Variants in HIVEP3 observed in about 807,000 individuals in gnomAD.
HIVEP3 encodes transcription factor HIVEP3.
HIVEP3 carries 49 observed loss-of-function variants against 152.8 expected under a neutral mutation model. The observed-to-expected ratio is 0.32, with a 90% CI of 0.26 to 0.41. The LOEUF (loss-of-function observed/expected upper bound fraction) is 0.41. Among genes scored for constraint, HIVEP3 ranks in the 10% least tolerant of loss-of-function variants. The pLI is 1.00. For synonymous variants in HIVEP3, 1,269 were observed against 1,289.0 expected (o/e 0.98, Z 0.33); for missense variants, 2,790 against 3,103.3 (o/e 0.90, Z 2.40).
intron 2 of HIVEP3, among the ~76,000 whole-genome samples, chr1:41,631,424 T>A (rs192706003): frequency 6.6e-6 from 1 of 152,184 alleles, no homozygotes; most frequent in Admixed American, 6.5e-5. Context: ...CTGAATATTA[T>A]CTCAGAGTGG....
At chr1:41,960,833 T>G (rs1557540228) in intron 1 of HIVEP3, among the ~76,000 whole-genome samples, 1 of 152,192 alleles carries the variant, frequency 6.6e-6, no homozygotes, top group Admixed American at 6.5e-5. Context: ...CCCTCCACTG[T>G]GGGCAGAAAA....
chr1:41,703,990 C>T (rs530690841), intron 1 of HIVEP3, among the ~76,000 whole-genome samples: 7 of 152,322 alleles, frequency 4.6e-5, no homozygotes, highest in South Asian at 2.1e-4. Context: ...CAAGTCCTCA[C>T]TCTTGTTCTG....
In HIVEP3 at chr1:41,581,709, G is replaced by A. The variant is rs573708876; in HGVS notation, c.3089C>T (p.Ala1030Val). Reference sequence around the variant, plus strand: ...TGGCGGGGCCACCCGCGCTGGTGGAGCCACTGGGGCTGGAGCAGAAGGGCC... The same window carrying A: ...TGGCGGGGCCACCCGCGCTGGTGGAACCACTGGGGCTGGAGCAGAAGGGCC... ...LTGPSAPAPV[A>V]PPARVAPPER... Residue 1030 changes from alanine (A) to valine (V), a missense_variant, in exon 4 of 9, where the codon GCT becomes GTT. Ala to Val is a moderately conservative substitution (Grantham distance 64, BLOSUM62 0). This residue lies in a region of HIVEP3 where 1,078 missense variants were observed against 1,165.3 expected (regional missense o/e 0.93). Coordinates refer to ENST00000372583, the MANE Select transcript of HIVEP3 (RefSeq NM_024503.5). The surrounding 1 kb of genome is among the most constrained non-coding windows in gnomAD (Gnocchi z 4.5). 12 of 1,613,050 alleles carry A rather than the reference G, an allele frequency of 7.4e-6. No homozygotes were observed. In the Admixed American group the frequency reaches 1.0e-4, roughly 13 times the overall value.
chr1:41,917,977 G>A (rs1241746873), intron 1 of HIVEP3, among the ~76,000 whole-genome samples: 1 of 152,228 alleles, frequency 6.6e-6, no homozygotes, highest in African/African-American at 2.4e-5. Context: ...AAACGCCGGT[G>A]CCACGGAACG....
At chr1:41,983,447 G>GAC (rs1205874750) in intron 1 of HIVEP3, among the ~76,000 whole-genome samples, 1 of 152,058 alleles carries the variant, frequency 6.6e-6, no homozygotes, top group Non-Finnish European at 1.5e-5. Context: ...TGTGCAGGCA[G>GAC]ACACACACAT....
chr1:41,911,626 A>G (rs951628685), intron 1 of HIVEP3, among the ~76,000 whole-genome samples: 1 of 152,228 alleles, frequency 6.6e-6, no homozygotes, highest in Non-Finnish European at 1.5e-5. Context: ...ATAATAGCAA[A>G]ATACTGGAAA....
intron 1 of HIVEP3, among the ~76,000 whole-genome samples, chr1:41,704,286 C>T (rs1171707962): frequency 2.0e-5 from 3 of 152,238 alleles, no homozygotes; most frequent in Non-Finnish European, 4.4e-5. Context: ...GACTCATTTG[C>T]ATAGCCCAGG....
At chr1:41,787,247 A>G (rs1387708309) in intron 1 of HIVEP3, among the ~76,000 whole-genome samples, 1 of 152,232 alleles carries the variant, frequency 6.6e-6, no homozygotes, top group Non-Finnish European at 1.5e-5. Context: ...ATCTGACAGG[A>G]TGCAAAGGTG....
intron 1 of HIVEP3, among the ~76,000 whole-genome samples, chr1:41,899,350 CTGA>C (rs1279187256): frequency 1.3e-5 from 2 of 152,190 alleles, no homozygotes. Context: ...TTATACTCTC[CTGA>C]TGATGTTTAT....
chr1:41,865,114 C>T (rs954911949), intron 1 of HIVEP3, among the ~76,000 whole-genome samples: 3 of 152,198 alleles, frequency 2.0e-5, no homozygotes, highest in African/African-American at 7.2e-5. Context: ...AATGTAGACA[C>T]TTGGATCTAT....
intron 1 of HIVEP3, among the ~76,000 whole-genome samples, chr1:42,002,635 G>A (rs1645434729): frequency 6.6e-6 from 1 of 152,200 alleles, no homozygotes; most frequent in African/African-American, 2.4e-5. Context: ...AATTCCATCA[G>A]CAGATCCAGT....
intron 1 of HIVEP3, among the ~76,000 whole-genome samples, chr1:41,857,335 T>C (rs1264442136): frequency 6.6e-6 from 1 of 152,180 alleles, no homozygotes; most frequent in Non-Finnish European, 1.5e-5. Context: ...AGCTGTGGCA[T>C]CATTTGAGGT....
At chr1:41,569,972 C>CA (rs1644227930) in intron 5 of HIVEP3, among the ~76,000 whole-genome samples, 1 of 152,076 alleles carries the variant, frequency 6.6e-6, no homozygotes, top group African/African-American at 2.4e-5. Flanking sequence ...CTGCAGTATG[C>CA]GCTGTGCTGT....
At chr1:41,910,790 T>C (rs1165301430) in intron 1 of HIVEP3, among the ~76,000 whole-genome samples, 2 of 151,984 alleles carry the variant, frequency 1.3e-5, no homozygotes, top group Admixed American at 6.6e-5. Context: ...AACATCCATG[T>C]ATATAATTTG....
At chr1:41,654,393 T>C (rs1352330741) in intron 2 of HIVEP3, among the ~76,000 whole-genome samples, 1 of 152,210 alleles carries the variant, frequency 6.6e-6, no homozygotes, top group Non-Finnish European at 1.5e-5. Flanking sequence ...TAATGACTCT[T>C]TATGGCTTTC....
At chr1:41,835,803 A>G (rs548650111) in intron 1 of HIVEP3, among the ~76,000 whole-genome samples, 191 of 152,348 alleles carry the variant, frequency 1.3e-3, no homozygotes, top group Non-Finnish European at 2.4e-3. Context: ...ACTGATGAAC[A>G]GTGGACAAAT....
intron 1 of HIVEP3, among the ~76,000 whole-genome samples, chr1:41,962,294 C>T (rs758090165): frequency 6.6e-6 from 1 of 152,220 alleles, no homozygotes; most frequent in African/African-American, 2.4e-5. Context: ...CAAACCAGAG[C>T]TTACTCAGGT....
intron 2 of HIVEP3, among the ~76,000 whole-genome samples, chr1:41,638,338 GA>G (rs1171377535): frequency 0.12 from 4,272 of 34,494 alleles, 163 homozygotes; most frequent in African/African-American, 0.21. Context: ...AAGAAAGGGA[GA>G]GAGAGAGAAA....
intron 1 of HIVEP3, among the ~76,000 whole-genome samples, chr1:41,994,197 A>G (rs1373973778): frequency 6.6e-6 from 1 of 151,794 alleles, no homozygotes; most frequent in Non-Finnish European, 1.5e-5. Context: ...CTCTCTGGAG[A>G]GAAGCATGTT....
Sources: allele counts gnomAD v4.1 joint callset (sites outside exome capture counted in the v4.1 genomes callset), GRCh38; gene constraint gnomAD v4.1.1; regional missense constraint gnomAD v4.1.1; non-coding constraint Gnocchi (gnomAD v3.1); transcripts MANE v1.5; gene names NCBI Gene and HGNC (gene_info 2026-07-23, HGNC 2026-07-21).